The following AK3 variants were observed in gnomAD, a reference collection of about 807,000 sequenced individuals.
AK3 encodes adenylate kinase 3, also known as GTP:AMP phosphotransferase AK3, mitochondrial.
In AK3, 27 loss-of-function variants were observed where a neutral mutation model predicts 23.7. The ratio of observed to expected loss-of-function variants is 1.14; its 90% CI spans 0.84 to 1.57. The LOEUF (loss-of-function observed/expected upper bound fraction) is 1.57. Ranked by LOEUF, AK3 falls within the 40% of genes most tolerant of loss-of-function variation. The pLI, the probability that AK3 is intolerant of heterozygous loss-of-function variation, is 0.00. For synonymous variants in AK3, 159 were observed against 116.0 expected, an observed-to-expected ratio of 1.37 and a Z score of -2.38; for missense variants, 406 against 285.6, an observed-to-expected ratio of 1.42 and a Z score of -3.04.
At chr9:4,732,020 G>A (rs941467141) in intron 1 of AK3, among the ~76,000 whole-genome samples, 2 of 152,110 alleles carry the variant, frequency 1.3e-5, no homozygotes, top group Admixed American at 6.6e-5. Context: ...TATGATCATA[G>A]CTCACTGCAG....
At chr9:4,739,574 C>T (rs1481091719) in intron 1 of AK3, among the ~76,000 whole-genome samples, 1 of 151,634 alleles carries the variant, frequency 6.6e-6, no homozygotes, top group Non-Finnish European at 1.5e-5. Context: ...ATCCCAGACA[C>T]AAAGTGAAAC....
At chr9:4,718,918 C>T (rs1246873932) in intron 3 of AK3, among the ~76,000 whole-genome samples, 2 of 152,316 alleles carry the variant, frequency 1.3e-5, no homozygotes, top group Admixed American at 6.5e-5. Context: ...AGGAAATCAA[C>T]AAATGTTTTT....
intron 1 of AK3, among the ~76,000 whole-genome samples, chr9:4,731,542 T>C (rs1842154005): frequency 6.7e-6 from 1 of 149,382 alleles, no homozygotes; most frequent in South Asian, 2.2e-4. Context: ...TATTAAAACC[T>C]GGAGCCTATA....
At chr9:4,722,302 G>C (rs1383346753) in intron 2 of AK3, among the ~76,000 whole-genome samples, 1 of 152,160 alleles carries the variant, frequency 6.6e-6, no homozygotes, top group Non-Finnish European at 1.5e-5. Context: ...TCTGAAGGGA[G>C]CTTAGAAATC....
chr9:4,740,689 G>A (rs1393417889), intron 1 of AK3, among the ~76,000 whole-genome samples: 1 of 152,054 alleles, frequency 6.6e-6, no homozygotes, highest in Non-Finnish European at 1.5e-5. Context: ...TTTCATCTCT[G>A]AACTTCGAGC....
chr9:4,719,015 T>G (rs899468282), intron 3 of AK3, 120 bp downstream of exon 3: 4 of 1,170,684 alleles, frequency 3.4e-6, no homozygotes, highest in Non-Finnish European at 4.8e-6. Flanking sequence ...CCAAGTAACC[T>G]GAGAATATAC....
At chr9:4,737,440 A>AACTCCTGG (rs1842322915) in intron 1 of AK3, among the ~76,000 whole-genome samples, 1 of 152,178 alleles carries the variant, frequency 6.6e-6, no homozygotes, top group African/African-American at 2.4e-5. Context: ...AGTTCTCCTG[A>AACTCCTGG]ACTCAGTCTC....
chr9:4,724,270 G>A (rs1841971167), intron 1 of AK3, among the ~76,000 whole-genome samples: 1 of 152,072 alleles, frequency 6.6e-6, no homozygotes, highest in Non-Finnish European at 1.5e-5. Flanking sequence ...AAAAAAAAAT[G>A]TAAAAACACG....
Position 4,732,409 on chromosome 9 carries a change from T to C in AK3, c.151+8528A>G, listed in dbSNP as rs540105307. 2.0e-5 allele frequency among the ~76,000 whole-genome samples: 3 copies of C among 152,324 alleles called. No individual in the cohort carries two copies. The South Asian group carries it at 6.2e-4, about 32-fold the overall frequency. Reference sequence around the variant, plus strand: ...TTTAAATTTTGGGGATGTCAAAAGTTACATGTGGATTTTTGACTACACTAG... The same window carrying C: ...TTTAAATTTTGGGGATGTCAAAAGTCACATGTGGATTTTTGACTACACTAG... On this transcript the variant is annotated intron_variant, in intron 1 of 4. Transcript: ENST00000381809.
intron 4 of AK3, among the ~76,000 whole-genome samples, chr9:4,715,021 C>T (rs866544507): frequency 6.6e-6 from 1 of 151,928 alleles, no homozygotes; most frequent in Non-Finnish European, 1.5e-5. Flanking sequence ...GAGTTCAAGA[C>T]CAGCCTGGCC....
chr9:4,735,461 T>TAAATATATATACATATATAA (rs1842266536), intron 1 of AK3, among the ~76,000 whole-genome samples: 2 of 50,662 alleles, frequency 3.9e-5, no homozygotes, highest in African/African-American at 5.8e-5. Flanking sequence ...ATACATAGTA[T>TAAATATATATACATATATAA]ATGTGTATAT....
chr9:4,737,800 G>C (rs181548684), intron 1 of AK3, among the ~76,000 whole-genome samples: 276 of 152,308 alleles, frequency 1.8e-3, no homozygotes, highest in Non-Finnish European at 3.4e-3. Context: ...CCAAGTTTCA[G>C]TGATGACCTA....
chr9:4,728,018 T>C (rs982237964), intron 1 of AK3, among the ~76,000 whole-genome samples: 6 of 152,212 alleles, frequency 3.9e-5, no homozygotes, highest in Admixed American at 2.6e-4. Flanking sequence ...TATATGGGTA[T>C]AGTTCATGGC....
chr9:4,736,597 G>A (rs1296672170), intron 1 of AK3, among the ~76,000 whole-genome samples: 3 of 151,830 alleles, frequency 2.0e-5, no homozygotes, highest in Non-Finnish European at 2.9e-5. Context: ...CAGAAGTCTT[G>A]AAGATTATCT....
intron 1 of AK3, among the ~76,000 whole-genome samples, chr9:4,737,085 T>C (rs968057180): frequency 6.9e-6 from 1 of 144,242 alleles, no homozygotes; most frequent in African/African-American, 2.4e-5. Flanking sequence ...ATTCACTATA[T>C]AGTTTTTTTT....
intron 4 of AK3, among the ~76,000 whole-genome samples, chr9:4,715,726 C>T (rs1251153790): frequency 2.0e-5 from 3 of 152,070 alleles, no homozygotes; most frequent in African/African-American, 7.2e-5. Flanking sequence ...TTTGACAGAA[C>T]GAATCCCAAC....
intron 1 of AK3, among the ~76,000 whole-genome samples, chr9:4,737,382 C>A (rs919111252): frequency 6.6e-5 from 10 of 152,224 alleles, no homozygotes; most frequent in African/African-American, 2.2e-4. Context: ...ATGGAGAAAT[C>A]TATGTTTTCA....
At chr9:4,719,640 T>C (rs1841839788) in intron 2 of AK3, among the ~76,000 whole-genome samples, 1 of 152,098 alleles carries the variant, frequency 6.6e-6, no homozygotes, top group Admixed American at 6.6e-5. Flanking sequence ...TCTAATCAAT[T>C]TTAAGGCCTG....
chr9:4,721,671 C>T (rs554806838), intron 2 of AK3, among the ~76,000 whole-genome samples: 1 of 152,136 alleles, frequency 6.6e-6, no homozygotes, highest in East Asian at 1.9e-4. Flanking sequence ...GTTGGCCAGG[C>T]TGGTCTTGAA....
Sources: gnomAD v4.1 joint callset for allele counts (sites outside exome capture counted in the v4.1 genomes callset) on GRCh38, gnomAD v4.1.1 for gene constraint, MANE v1.5 for transcripts, NCBI Gene and HGNC (gene_info 2026-07-23, HGNC 2026-07-21) for gene names.